Variants in JARID2 observed in about 807,000 individuals in gnomAD.
JARID2 encodes the protein jumonji and AT-rich interaction domain containing 2.
A neutral mutation model predicts 125.6 loss-of-function variants in JARID2; 21 were observed. The ratio of observed to expected loss-of-function variants is 0.17; its 90% CI spans 0.12 to 0.24. The LOEUF is 0.24. Among genes scored for constraint, JARID2 ranks in the 10% least tolerant of loss-of-function variants. The pLI, the probability that JARID2 is intolerant of heterozygous loss-of-function variation, is 1.00. For missense variants in JARID2, 1,303 were observed against 1,639.6 expected (o/e 0.79, Z 3.55); for synonymous variants, 736 against 661.6 (o/e 1.11, Z -1.73).
At chr6:15,290,566 A>G (rs1051432523) in intron 1 of JARID2, among the ~76,000 whole-genome samples, 1 of 152,140 alleles carries the variant, frequency 6.6e-6, no homozygotes, top group Non-Finnish European at 1.5e-5. Context: ...TTGTAGGGTT[A>G]GTATTTGGCC....
chr6:15,463,697 G>T (rs1279635860), intron 4 of JARID2, among the ~76,000 whole-genome samples: 1 of 152,124 alleles, frequency 6.6e-6, no homozygotes, highest in Admixed American at 6.5e-5. Context: ...CTCCCAAAGT[G>T]CTGGGATTAC....
chr6:15,449,832 G>A (rs961085463), intron 3 of JARID2, among the ~76,000 whole-genome samples: 1 of 152,030 alleles, frequency 6.6e-6, no homozygotes, highest in Non-Finnish European at 1.5e-5. Flanking sequence ...TGGTGTTTTC[G>A]ATGGTCATAG....
intron 5 of JARID2, among the ~76,000 whole-genome samples, chr6:15,484,952 TG>T (rs1398217458): frequency 5.3e-5 from 8 of 152,240 alleles, no homozygotes. Context: ...CATGTTCCCT[TG>T]GCTTGATTTT....
intron 3 of JARID2, among the ~76,000 whole-genome samples, chr6:15,433,542 T>TTA (rs1246151513): frequency 6.6e-6 from 1 of 151,872 alleles, no homozygotes; most frequent in Non-Finnish European, 1.5e-5. Flanking sequence ...TGTAAGCAAC[T>TTA]TATTAGAGCA....
intron 1 of JARID2, among the ~76,000 whole-genome samples, chr6:15,277,297 T>C (rs1408262102): frequency 6.6e-6 from 1 of 152,186 alleles, no homozygotes; most frequent in East Asian, 1.9e-4. Flanking sequence ...TTTATTTACC[T>C]ATTTTTTATA....
At chr6:15,249,784 G>T (rs544022901) in intron 1 of JARID2, among the ~76,000 whole-genome samples, 207 of 152,242 alleles carry the variant, frequency 1.4e-3, no homozygotes, top group African/African-American at 4.7e-3. Flanking sequence ...GTTATATTTC[G>T]TAATAAATGA....
At chr6:15,471,596 A>AG (rs1769080548) in intron 5 of JARID2, among the ~76,000 whole-genome samples, 1 of 152,234 alleles carries the variant, frequency 6.6e-6, no homozygotes, top group South Asian at 2.1e-4. Flanking sequence ...CATGTATACT[A>AG]GTGCAGTTGT....
rs902826504 is a variant in JARID2 at position 15,520,190 on chromosome 6, A to G, written c.3680A>G (p.Asp1227Gly). 1 of 1,613,802 alleles carries G rather than the reference A, an allele frequency of 6.2e-7. No individual in the cohort carries two copies. The highest frequency in any genetic ancestry group is 1.3e-5 in the African/African-American group (1 of 75,036). ...KRGPRKRATV[D>G]VPPSRLSASS... ...GGTCCCCGCAAGAGAGCGACAGTGGACGTGCCCCCCTCCCGTCTGTCAGCC... is the reference window on the plus strand; with the variant it reads ...GGTCCCCGCAAGAGAGCGACAGTGGGCGTGCCCCCCTCCCGTCTGTCAGCC... Residue 1227 changes from aspartate to glycine, a missense_variant, in exon 18 of 18, where the codon GAC becomes GGC. Transcript: ENST00000341776.
intron 1 of JARID2, among the ~76,000 whole-genome samples, chr6:15,253,855 G>T: frequency 6.6e-6 from 1 of 152,150 alleles, no homozygotes; most frequent in East Asian, 1.9e-4. Flanking sequence ...TCTGAGAAAA[G>T]GGGTTTTTGA....
intron 1 of JARID2, among the ~76,000 whole-genome samples, chr6:15,360,677 G>T (rs1341770587): frequency 6.6e-6 from 1 of 150,450 alleles, no homozygotes; most frequent in Non-Finnish European, 1.5e-5. Flanking sequence ...TTAAATTTTT[G>T]TTGTTGTAGA....
Position 15,308,498 on chromosome 6 carries a change from C to CT in JARID2, c.45+61916dup, listed in dbSNP as rs1484800199. 5.3e-5 allele frequency among the ~76,000 whole-genome samples: 8 copies of CT among 152,280 alleles called. No homozygotes were observed. In the East Asian group the frequency reaches 1.3e-3, roughly 26 times the overall value. The stretch of plus-strand genomic sequence containing the variant: ...TCATTCCCTTACTTCCCTTTAAAAT[C>CT]TTGCATATAAACATTGATAGAAATC... On this transcript the variant is annotated intron_variant, in intron 1 of 17. Coordinates refer to ENST00000341776, the MANE Select transcript of JARID2 (RefSeq NM_004973.4).
chr6:15,517,694 G>A (rs1771631143), intron 17 of JARID2, among the ~76,000 whole-genome samples: 1 of 152,224 alleles, frequency 6.6e-6, no homozygotes. Context: ...CACTGGGGCA[G>A]GACGGGCCCC....
chr6:15,385,660 T>C (rs1764757751), intron 2 of JARID2, among the ~76,000 whole-genome samples: 1 of 152,156 alleles, frequency 6.6e-6, no homozygotes, highest in African/African-American at 2.4e-5. Flanking sequence ...CTCCGAAGTC[T>C]GTGTTGTGTG....
intron 3 of JARID2, among the ~76,000 whole-genome samples, chr6:15,419,456 T>C (rs1766387223): frequency 6.6e-6 from 1 of 152,238 alleles, no homozygotes; most frequent in African/African-American, 2.4e-5. Flanking sequence ...GCCATTTTTG[T>C]TTCTAGTATC....
rs372991359 is a variant in JARID2, at chr6:15,405,621, A to G, written c.182-4603A>G. Reference sequence around the variant, plus strand: ...GACTGACTCTTTGGGCCATTCATTCAATTTCCTCTGTTTAACCTCCTCTCC... The same window carrying G: ...GACTGACTCTTTGGGCCATTCATTCGATTTCCTCTGTTTAACCTCCTCTCC... On this transcript the variant is annotated intron_variant, in intron 2 of 17. Transcript: ENST00000341776. Among the ~76,000 whole-genome samples, 6 of 152,188 alleles carry G rather than the reference A, an allele frequency of 3.9e-5. No homozygotes were observed. The East Asian group carries it at 1.2e-3, about 29-fold the overall frequency.
At chr6:15,434,042 G>T (rs1352607543) in intron 3 of JARID2, among the ~76,000 whole-genome samples, 3 of 151,456 alleles carry the variant, frequency 2.0e-5, no homozygotes. Context: ...ACATGTTTCA[G>T]CTTGGCATGA....
At chr6:15,500,389 G>A (rs1440845059) in intron 7 of JARID2, among the ~76,000 whole-genome samples, 3 of 152,322 alleles carry the variant, frequency 2.0e-5, no homozygotes, top group Middle Eastern at 3.4e-3. Flanking sequence ...GTGAAGTTGA[G>A]TGAGTGAGTG....
intron 2 of JARID2, among the ~76,000 whole-genome samples, chr6:15,401,634 G>T (rs573629738): frequency 6.6e-6 from 1 of 152,146 alleles, no homozygotes; most frequent in African/African-American, 2.4e-5. Context: ...GACCTGAAGT[G>T]GTTCTGGATT....
At chr6:15,261,540 T>C (rs1424440239) in intron 1 of JARID2, among the ~76,000 whole-genome samples, 1 of 152,202 alleles carries the variant, frequency 6.6e-6, no homozygotes, top group African/African-American at 2.4e-5. Context: ...CAGGATGGTC[T>C]CCATCTCTTG....
Sources: gnomAD v4.1 joint callset for allele counts (sites outside exome capture counted in the v4.1 genomes callset) on GRCh38, gnomAD v4.1.1 for gene constraint, MANE v1.5 for transcripts, NCBI Gene and HGNC (gene_info 2026-07-23, HGNC 2026-07-21) for gene names.